MAGI1: variants seen among roughly 807,000 people sequenced by gnomAD.
The protein encoded by MAGI1 is membrane-associated guanylate kinase, WW and PDZ domain-containing protein 1.
In MAGI1, 58 loss-of-function variants were observed where a neutral mutation model predicts 139.9. The ratio of observed to expected loss-of-function variants is 0.41; its 90% CI spans 0.34 to 0.52. The LOEUF (loss-of-function observed/expected upper bound fraction) is 0.52, where lower values mean the gene tolerates loss of function less well. Ranked by LOEUF, MAGI1 falls within the 20% of genes least tolerant of loss-of-function variation. The pLI is 0.12. For synonymous variants in MAGI1, 812 were observed against 737.9 expected (o/e 1.10, Z -1.63); for missense variants, 1,874 against 1,901.6 (o/e 0.99, Z 0.27).
intron 1 of MAGI1, among the ~76,000 whole-genome samples, chr3:65,670,687 T>C (rs560744722): frequency 2.0e-5 from 3 of 152,276 alleles, no homozygotes; most frequent in African/African-American, 4.8e-5. Context: ...TTGGTACCCA[T>C]GGAGCTTATC....
At chr3:65,982,312 T>C (rs1400774065) in intron 1 of MAGI1, among the ~76,000 whole-genome samples, 1 of 152,182 alleles carries the variant, frequency 6.6e-6, no homozygotes, top group Non-Finnish European at 1.5e-5. Context: ...TTGGCCGACA[T>C]TTGGGCATGC....
intron 1 of MAGI1, among the ~76,000 whole-genome samples, chr3:65,714,748 C>T (rs1327160660): frequency 5.9e-5 from 9 of 152,128 alleles, no homozygotes; most frequent in African/African-American, 1.9e-4. Context: ...TCTGACATCA[C>T]AGTCTCTTTT....
At chr3:65,422,365 T>G in intron 12 of MAGI1, among the ~76,000 whole-genome samples, 1 of 152,160 alleles carries the variant, frequency 6.6e-6, no homozygotes, top group East Asian at 1.9e-4. Flanking sequence ...ACTAGCTGTT[T>G]AGGGCAGCCT....
intron 3 of MAGI1, among the ~76,000 whole-genome samples, chr3:65,485,856 A>C (rs1416403380): frequency 6.6e-6 from 1 of 152,212 alleles, no homozygotes; most frequent in Non-Finnish European, 1.5e-5. Flanking sequence ...TGACATCTAC[A>C]CTTTTAACTC....
intron 5 of MAGI1, among the ~76,000 whole-genome samples, chr3:65,457,937 C>T (rs1486533173): frequency 6.6e-6 from 1 of 151,996 alleles, no homozygotes; most frequent in Non-Finnish European, 1.5e-5. Flanking sequence ...CTCCACTTCC[C>T]CTTACCACCA....
chr3:65,375,850 A>G lies in MAGI1; in HGVS notation c.3091T>C (p.Leu1031=). Residue 1031 remains leucine, a synonymous_variant, in exon 18 of 23, where the codon TTG becomes CTG. Transcript: ENST00000402939. ...GTGATGGAACATCCATTTACTGCCA[A>G]GATCCGGTCTCCTACTTTCAGCTTG... The part of the protein sequence containing the change: ...CGKLKVGDRI[L]AVNGCSITNK... 2 of 1,614,182 alleles carry G rather than the reference A, an allele frequency of 1.2e-6. No individual in the cohort carries two copies. Among genetic ancestry groups the G allele is most frequent in the Non-Finnish European group, 1.7e-6 (2 of 1,180,030 alleles).
At chr3:65,622,596 T>C (rs921031275) in intron 1 of MAGI1, among the ~76,000 whole-genome samples, 2 of 152,118 alleles carry the variant, frequency 1.3e-5, no homozygotes, top group African/African-American at 4.8e-5. Context: ...CGGAGTCTTA[T>C]TCTGTCACCC....
intron 2 of MAGI1, among the ~76,000 whole-genome samples, chr3:65,605,137 C>G (rs748584660): frequency 3.9e-5 from 6 of 152,150 alleles, no homozygotes; most frequent in Admixed American, 1.3e-4. Context: ...GATGTCATAA[C>G]GACCCTTTCA....
intron 2 of MAGI1, among the ~76,000 whole-genome samples, chr3:65,540,222 T>C (rs1289602361): frequency 1.3e-5 from 2 of 152,158 alleles, no homozygotes; most frequent in Non-Finnish European, 1.5e-5. Context: ...TCACAACCAA[T>C]AGGAGAGAGA....
At chr3:65,455,964 T>C (rs746650851) in intron 5 of MAGI1, among the ~76,000 whole-genome samples, 1 of 152,208 alleles carries the variant, frequency 6.6e-6, no homozygotes, top group Non-Finnish European at 1.5e-5. Context: ...TTTTGGCTAT[T>C]TGGACAAATT....
intron 12 of MAGI1, among the ~76,000 whole-genome samples, chr3:65,420,518 T>C (rs1044044060): frequency 9.2e-5 from 14 of 152,160 alleles, no homozygotes; most frequent in Non-Finnish European, 1.9e-4. Context: ...AATAAATGCC[T>C]CATGAAATCA....
intron 1 of MAGI1, among the ~76,000 whole-genome samples, chr3:65,870,693 T>C (rs892238625): frequency 6.9e-6 from 1 of 144,614 alleles, no homozygotes; most frequent in Admixed American, 6.9e-5. Context: ...GGACTGTTCA[T>C]AGTGGGATTT....
intron 1 of MAGI1, among the ~76,000 whole-genome samples, chr3:65,902,398 C>T (rs558522029): frequency 6.6e-6 from 1 of 152,224 alleles, no homozygotes; most frequent in South Asian, 2.1e-4. Flanking sequence ...CAGTAAAATT[C>T]GCAGCAATTC....
chr3:65,573,094 T>G lies in MAGI1; in HGVS notation c.430+48878A>C, dbSNP rs1407262188. 4.6e-5 allele frequency among the ~76,000 whole-genome samples: 7 copies of G among 151,712 alleles called. No homozygotes were observed. The East Asian group carries it at 1.4e-3, about 29-fold the overall frequency. On this transcript the variant is annotated intron_variant, in intron 2 of 22. Coordinates refer to ENST00000402939, the MANE Select transcript of MAGI1 (RefSeq NM_001033057.2). ...ATTCCCCAAATAACCAGTGTTAATATTTTTGTGTTTGATATTCATTCCTTT... is the reference window on the plus strand; with the variant it reads ...ATTCCCCAAATAACCAGTGTTAATAGTTTTGTGTTTGATATTCATTCCTTT...
Position 66,002,945 on chromosome 3 carries a change from C to T in MAGI1, c.313+35051G>A, listed in dbSNP as rs2066824815. 2.0e-5 allele frequency among the ~76,000 whole-genome samples: 3 copies of T among 152,182 alleles called. No individual in the cohort carries two copies. The South Asian group carries it at 6.2e-4, about 32-fold the overall frequency. ...AATTGCACCTAATGATTGACACTAACAGGAGAATTATTAATAGTACAGAGC... is the reference window on the plus strand; with the variant it reads ...AATTGCACCTAATGATTGACACTAATAGGAGAATTATTAATAGTACAGAGC... On this transcript the variant is annotated intron_variant, in intron 1 of 22. Coordinates refer to ENST00000402939, the MANE Select transcript of MAGI1 (RefSeq NM_001033057.2).
At chr3:65,784,703 TCAA>T (rs148824542) in intron 1 of MAGI1, among the ~76,000 whole-genome samples, 5,882 of 149,370 alleles carry the variant, frequency 0.039, 160 homozygotes, top group African/African-American at 0.08. Flanking sequence ...AGACTCCGTC[TCAA>T]CAACAACAAC....
intron 1 of MAGI1, among the ~76,000 whole-genome samples, chr3:65,676,437 A>C (rs2087194278): frequency 1.3e-5 from 2 of 152,228 alleles, no homozygotes; most frequent in African/African-American, 2.4e-5. Flanking sequence ...TTGGTTTATA[A>C]ATTTCTGAAT....
intron 1 of MAGI1, among the ~76,000 whole-genome samples, chr3:65,839,358 TTTA>T (rs1013674130): frequency 1.3e-5 from 2 of 152,158 alleles, no homozygotes; most frequent in African/African-American, 4.8e-5. Context: ...AGTTAATGTA[TTTA>T]TTATATTATA....
intron 1 of MAGI1, among the ~76,000 whole-genome samples, chr3:65,737,452 ATTAAT>A (rs2034865034): frequency 6.6e-6 from 1 of 152,252 alleles, no homozygotes; most frequent in Admixed American, 6.5e-5. Flanking sequence ...TTTGGAACTA[ATTAAT>A]TTATTCACCA....
Sources: gnomAD v4.1 joint callset for allele counts (sites outside exome capture counted in the v4.1 genomes callset) on GRCh38, gnomAD v4.1.1 for gene constraint, MANE v1.5 for transcripts, NCBI Gene and HGNC (gene_info 2026-07-23, HGNC 2026-07-21) for gene names.